The following COL25A1 variants were observed in gnomAD, a reference collection of about 807,000 sequenced individuals.
The protein encoded by COL25A1 is collagen alpha-1(XXV) chain.
In COL25A1, 103 loss-of-function variants were observed where a neutral mutation model predicts 128.4. The ratio of observed to expected loss-of-function variants is 0.80; its 90% confidence interval spans 0.68 to 0.94. The LOEUF (loss-of-function observed/expected upper bound fraction) is 0.94, where lower values mean the gene tolerates loss of function less well. Ranked by LOEUF, COL25A1 falls within the 40% of genes least tolerant of loss-of-function variation. COL25A1 has a pLI of 0.00. For missense variants in COL25A1, 745 were observed against 840.0 expected, an observed-to-expected ratio of 0.89 and a Z score of 1.40; for synonymous variants, 279 against 277.2, an observed-to-expected ratio of 1.01 and a Z score of -0.06.
intron 3 of COL25A1, among the ~76,000 whole-genome samples, chr4:109,158,481 A>G (rs1772242663): frequency 6.6e-6 from 1 of 152,214 alleles, no homozygotes. Flanking sequence ...AGGTGGAAAT[A>G]AACATAAAAG....
At chr4:109,239,420 A>ATTTATT (rs71594168) in intron 3 of COL25A1, among the ~76,000 whole-genome samples, 1 of 124,362 alleles carries the variant, frequency 8.0e-6, no homozygotes, top group East Asian at 2.2e-4. Flanking sequence ...ATATATATAT[A>ATTTATT]TATTTATTTA....
At chr4:109,055,918 G>A (rs1761410261) in intron 3 of COL25A1, among the ~76,000 whole-genome samples, 1 of 152,118 alleles carries the variant, frequency 6.6e-6, no homozygotes, top group Non-Finnish European at 1.5e-5. Flanking sequence ...CAATCAGCAT[G>A]TACTCCACTA....
intron 30 of COL25A1, among the ~76,000 whole-genome samples, 179 bp from the exon 31 acceptor site, chr4:108,841,900 ATTGCTCTGTAAT>A (rs760255952): frequency 4.3e-4 from 65 of 152,144 alleles, no homozygotes; most frequent in Non-Finnish European, 8.4e-4. Flanking sequence ...CAGCTCTTGG[ATTGCTCTGTAAT>A]AGGAAATTCA....
intron 13 of COL25A1, among the ~76,000 whole-genome samples, chr4:108,905,205 T>C (rs1382766896): frequency 6.6e-6 from 1 of 152,138 alleles, no homozygotes; most frequent in Non-Finnish European, 1.5e-5. Flanking sequence ...TGTTGTCCAA[T>C]TGGTACCACT....
intron 3 of COL25A1, among the ~76,000 whole-genome samples, chr4:109,132,799 T>A (rs1252144931): frequency 1.3e-5 from 2 of 152,162 alleles, no homozygotes; most frequent in Non-Finnish European, 2.9e-5. Flanking sequence ...AATACAATTC[T>A]GTAAACCTTC....
chr4:108,898,427 T>C (rs567026051), intron 15 of COL25A1, among the ~76,000 whole-genome samples: 1 of 152,314 alleles, frequency 6.6e-6, no homozygotes, highest in East Asian at 1.9e-4. Flanking sequence ...ACTTGGTAGT[T>C]TCCTACTCAG....
intron 5 of COL25A1, among the ~76,000 whole-genome samples, chr4:109,028,912 T>A (rs1758574151): frequency 6.6e-6 from 1 of 152,108 alleles, no homozygotes. Flanking sequence ...TGGAACTGAA[T>A]TCTGACCACT....
intron 3 of COL25A1, among the ~76,000 whole-genome samples, chr4:109,185,575 C>A (rs551915636): frequency 6.6e-6 from 1 of 152,134 alleles, no homozygotes; most frequent in South Asian, 2.1e-4. Context: ...GAAGGTACTA[C>A]GAGTCTGTTA....
rs1378154460 is a variant in COL25A1, at chr4:108,930,503, A to AT, written c.708+7304dup. 2.0e-5 allele frequency among the ~76,000 whole-genome samples: 3 copies of AT among 152,304 alleles called. No individual in the cohort carries two copies. The East Asian group carries it at 5.8e-4, about 29-fold the overall frequency. On this transcript the variant is annotated intron_variant, in intron 11 of 37. Transcript: ENST00000399132. The stretch of plus-strand genomic sequence containing the variant: ...ATACCACTGGTGTGCACCACAACAA[A>AT]TTGGAAGAGAAGGCAAAGAGGTGGG...
At chr4:109,276,643 G>A (rs1283534302) in intron 3 of COL25A1, among the ~76,000 whole-genome samples, 6 of 152,108 alleles carry the variant, frequency 3.9e-5, no homozygotes, top group African/African-American at 1.2e-4. Flanking sequence ...AGCGGCTGGT[G>A]TCAGTCATAG....
At chr4:109,166,664 T>C (rs1263847816) in intron 3 of COL25A1, among the ~76,000 whole-genome samples, 1 of 152,200 alleles carries the variant, frequency 6.6e-6, no homozygotes, top group Non-Finnish European at 1.5e-5. Flanking sequence ...ACAACGTATA[T>C]TTACAATGAA....
At chr4:109,111,396 G>A (rs1237810553) in intron 3 of COL25A1, among the ~76,000 whole-genome samples, 1 of 152,120 alleles carries the variant, frequency 6.6e-6, no homozygotes, top group African/African-American at 2.4e-5. Flanking sequence ...CTATATCTAT[G>A]GTGGATTCTT....
intron 6 of COL25A1, among the ~76,000 whole-genome samples, chr4:109,006,508 GGGATT>G (rs1756023402): frequency 6.8e-6 from 1 of 147,366 alleles, no homozygotes; most frequent in Non-Finnish European, 1.5e-5. Flanking sequence ...CCAAAGTGTT[GGGATT>G]ACAGGTGTGA....
chr4:108,977,205 T>C (rs1270540540), intron 6 of COL25A1, among the ~76,000 whole-genome samples: 4 of 152,064 alleles, frequency 2.6e-5, no homozygotes, highest in African/African-American at 9.7e-5. Context: ...GCGTCTCAAG[T>C]TCAAAATGAG....
intron 13 of COL25A1, among the ~76,000 whole-genome samples, chr4:108,917,194 C>T (rs1305410380): frequency 6.6e-6 from 1 of 152,086 alleles, no homozygotes; most frequent in Non-Finnish European, 1.5e-5. Context: ...TAGCAACTTA[C>T]TAGGTTTAAA....
At chr4:109,051,616 TACATACAC>T (rs1489920819) in intron 3 of COL25A1, among the ~76,000 whole-genome samples, 90 of 112,428 alleles carry the variant, frequency 8.0e-4, no homozygotes, top group Non-Finnish European at 1.4e-3. Context: ...CAAACACACA[TACATACAC>T]ACACACACAC....
At chr4:109,045,631 C>A (rs1760358115) in intron 5 of COL25A1, among the ~76,000 whole-genome samples, 1 of 152,108 alleles carries the variant, frequency 6.6e-6, no homozygotes, top group Non-Finnish European at 1.5e-5. Flanking sequence ...GTATTTTACC[C>A]ACAAGGAAGC....
intron 6 of COL25A1, among the ~76,000 whole-genome samples, chr4:109,008,075 A>G (rs1756207888): frequency 6.6e-6 from 1 of 152,174 alleles, no homozygotes; most frequent in Non-Finnish European, 1.5e-5. Flanking sequence ...TGTCTATAAG[A>G]CACGAGCACT....
chr4:108,879,213 T>C (rs1739810409), intron 19 of COL25A1, among the ~76,000 whole-genome samples: 1 of 152,216 alleles, frequency 6.6e-6, no homozygotes, highest in Non-Finnish European at 1.5e-5. Context: ...AGTTAGTTAC[T>C]GTCTCATACC....
Sources: gnomAD v4.1 joint callset for allele counts (sites outside exome capture counted in the v4.1 genomes callset) on GRCh38, gnomAD v4.1.1 for gene constraint, MANE v1.5 for transcripts, NCBI Gene and HGNC (gene_info 2026-07-23, HGNC 2026-07-21) for gene names.